The following PCDHAC2 variants were observed in gnomAD, a reference collection of about 807,000 sequenced individuals.
The protein encoded by PCDHAC2 is protocadherin alpha-C2.
In PCDHAC2, 24 loss-of-function variants were observed where a neutral mutation model predicts 63.3. The ratio of observed to expected loss-of-function variants is 0.38; its 90% confidence interval spans 0.27 to 0.53. PCDHAC2 has a LOEUF of 0.53. Ranked by LOEUF, PCDHAC2 falls within the 20% of genes least tolerant of loss-of-function variation. The pLI, the probability that PCDHAC2 is intolerant of heterozygous loss-of-function variation, is 0.81. For missense variants in PCDHAC2, 1,181 were observed against 1,275.2 expected, an observed-to-expected ratio of 0.93 and a Z score of 1.12; for synonymous variants, 569 against 529.4, an observed-to-expected ratio of 1.07 and a Z score of -1.03.
At chr5:140,998,112 T>A (rs1554256165) in intron 3 of PCDHAC2, among the ~76,000 whole-genome samples, 2 of 152,152 alleles carry the variant, frequency 1.3e-5, no homozygotes, top group Non-Finnish European at 2.9e-5. Context: ...AGGAGAAAAT[T>A]TACTTGTGAA....
intron 1 of PCDHAC2, among the ~76,000 whole-genome samples, chr5:140,978,370 A>T (rs78042832): frequency 6.6e-6 from 1 of 152,200 alleles, no homozygotes; most frequent in Non-Finnish European, 1.5e-5. Context: ...AAACTCTGCA[A>T]TAGTTTGTTT....
chr5:140,983,009 G>C (rs1272086703), intron 3 of PCDHAC2, among the ~76,000 whole-genome samples: 2 of 151,884 alleles, frequency 1.3e-5, no homozygotes, highest in Non-Finnish European at 2.9e-5. Flanking sequence ...AAAGAAAAAG[G>C]AAGGAAGGAA....
chr5:140,980,487 G>C (rs2096891705), intron 2 of PCDHAC2, among the ~76,000 whole-genome samples: 1 of 152,124 alleles, frequency 6.6e-6, no homozygotes, highest in African/African-American at 2.4e-5. Flanking sequence ...AAAATTAGCT[G>C]GGCGTGATGG....
chr5:140,976,897 T>C (rs2096736712), intron 1 of PCDHAC2, among the ~76,000 whole-genome samples: 1 of 152,220 alleles, frequency 6.6e-6, no homozygotes, highest in Admixed American at 6.5e-5. Flanking sequence ...CATGCAACAG[T>C]ATGTAATAAA....
chr5:140,968,562 C>T lies in PCDHAC2; in HGVS notation c.1796C>T (p.Pro599Leu), dbSNP rs1210264786. 4.3e-6 allele frequency: 7 copies of T among 1,614,090 alleles called. No homozygotes were observed. The highest frequency in any genetic ancestry group is 8.5e-7 in the Non-Finnish European group (1 of 1,180,048). ...TTCGAGATGGTGCCTCGAACTGCCC[C>T]TGCTGGCTACCTGGTCACCAAAGTC... is the stretch of plus-strand genomic sequence containing the variant. ...AAFEMVPRTAPAGYLVTKVIA... is the reference protein window; with the variant it reads ...AAFEMVPRTALAGYLVTKVIA... Residue 599 changes from proline to leucine, a missense_variant, in exon 1 of 4, where the codon CCT becomes CTT. Transcript: ENST00000289269.
chr5:140,968,416 G>A lies in PCDHAC2; in HGVS notation c.1650G>A (p.Glu550=). The A allele has an allele frequency of 1.2e-6, 2 of 1,613,992 alleles. No individual in the cohort carries two copies. Among genetic ancestry groups the A allele is most frequent in the Non-Finnish European group, 1.7e-6 (2 of 1,180,014 alleles). ...EKFREFFVTV[E]AQDKGSPPLS... Reference sequence around the variant, plus strand: ...TTCGGGAGTTCTTTGTGACTGTGGAGGCTCAGGACAAGGGGAGCCCACCAC... The same window carrying A: ...TTCGGGAGTTCTTTGTGACTGTGGAAGCTCAGGACAAGGGGAGCCCACCAC... Residue 550 remains glutamate (E), a synonymous_variant, in exon 1 of 4, where the codon GAG becomes GAA. Transcript: ENST00000289269.
In PCDHAC2 at chr5:140,967,673, C is replaced by T. The variant is rs1563368144; in HGVS notation, c.907C>T (p.Arg303Trp). Residue 303 changes from arginine to tryptophan, a missense_variant, in exon 1 of 4, where the codon CGG becomes TGG. By Grantham distance (101) the Arg-to-Trp change is moderately radical. Transcript: ENST00000289269. ...CTCCTTGAGCAGCTACACGTCGGAC[C>T]GGGAGAGGCAGCTCTTCAGCATAGA... ...RYSLSSYTSD[R>W]ERQLFSIDAS... The T allele has an allele frequency of 2.5e-6, 4 of 1,614,130 alleles. No homozygotes were observed. In the East Asian group the frequency reaches 6.7e-5, roughly 27 times the overall value.
intron 1 of PCDHAC2, among the ~76,000 whole-genome samples, chr5:140,971,248 A>G (rs552592175): frequency 6.6e-6 from 1 of 152,330 alleles, no homozygotes; most frequent in East Asian, 1.9e-4. Context: ...AATTTGATAC[A>G]TAAACTATTT....
At chr5:141,001,908 G>T (rs2098043431) in intron 3 of PCDHAC2, among the ~76,000 whole-genome samples, 1 of 152,198 alleles carries the variant, frequency 6.6e-6, no homozygotes, top group Non-Finnish European at 1.5e-5. Flanking sequence ...GTTTGAAAAA[G>T]ACTGCAGTGG....
intron 1 of PCDHAC2, chr5:140,969,617 A>G (rs2096348108): frequency 4.3e-6 from 3 of 705,552 alleles, no homozygotes; most frequent in Non-Finnish European, 6.8e-6. Context: ...ACAGATTTGT[A>G]GAGAAACAGG....
At position 140,966,707 on chromosome 5, in the gene PCDHAC2, A is replaced by T; in HGVS notation, c.-60A>T. The T allele has an allele frequency of 1.4e-6, 2 of 1,379,868 alleles. No individual in the cohort carries two copies. Among genetic ancestry groups the T allele is most frequent in the Non-Finnish European group, 9.3e-7 (1 of 1,072,552 alleles). 85.5% of individuals were successfully genotyped at this position (1,379,868 alleles called of 1,614,324 possible). On this transcript the variant is annotated 5_prime_UTR_variant, in exon 1 of 4. Transcript: ENST00000289269. ...CGGAGGCGGGGCCCGGGCGTGGGGC[A>T]CGGCTGGGGAAGCTGCCGCCTCCGG...
intron 3 of PCDHAC2, among the ~76,000 whole-genome samples, chr5:140,989,275 G>A (rs2097335515): frequency 6.6e-6 from 1 of 152,096 alleles, no homozygotes; most frequent in African/African-American, 2.4e-5. Context: ...TTTCTGCTGG[G>A]GACATCTCAG....
chr5:140,971,537 G>T (rs1414023721), intron 1 of PCDHAC2, among the ~76,000 whole-genome samples: 1 of 152,136 alleles, frequency 6.6e-6, no homozygotes, highest in Non-Finnish European at 1.5e-5. Flanking sequence ...AGTCATCATT[G>T]CCAGATCAAC....
At chr5:140,995,155 A>T (rs2097666869) in intron 3 of PCDHAC2, among the ~76,000 whole-genome samples, 2 of 152,194 alleles carry the variant, frequency 1.3e-5, no homozygotes, top group Non-Finnish European at 2.9e-5. Flanking sequence ...CTTTATATAC[A>T]TTATGTTCTT....
Position 141,011,434 on chromosome 5 carries a change from C to T in PCDHAC2, c.*1497C>T, listed in dbSNP as rs934032017. The T allele has an allele frequency of 6.5e-6, 1 of 153,726 alleles. No homozygotes were observed. Among genetic ancestry groups the T allele is most frequent in the Non-Finnish European group, 1.5e-5 (1 of 68,038 alleles). 9.5% of individuals were successfully genotyped at this position (153,726 alleles called of 1,614,324 possible). ...ATGTGAATGTTAATGCAACTATTAC[C>T]TAGAGTGAACTTTAAGCTTTATTGT... On this transcript the variant is annotated 3_prime_UTR_variant, in exon 4 of 4. Coordinates refer to ENST00000289269, the MANE Select transcript of PCDHAC2 (RefSeq NM_018899.6).
Position 140,968,083 on chromosome 5 carries a change from G to A in PCDHAC2, c.1317G>A (p.Val439=), listed in dbSNP as rs1298667830. The A allele has an allele frequency of 6.2e-7, 1 of 1,614,006 alleles. No homozygotes were observed. The highest frequency in any genetic ancestry group is 8.5e-7 in the Non-Finnish European group (1 of 1,180,038). Residue 439 remains valine (V), a synonymous_variant, in exon 1 of 4, where the codon GTG becomes GTA. Transcript: ENST00000289269. ...RERVAVYNIT[V]TATDGGIPQL... Reference sequence around the variant, plus strand: ...GGGTGGCTGTCTACAACATCACGGTGACAGCCACAGATGGGGGAATACCGC... The same window carrying A: ...GGGTGGCTGTCTACAACATCACGGTAACAGCCACAGATGGGGGAATACCGC...
At chr5:140,994,811 A>G (rs1283053490) in intron 3 of PCDHAC2, among the ~76,000 whole-genome samples, 1 of 152,194 alleles carries the variant, frequency 6.6e-6, no homozygotes, top group Non-Finnish European at 1.5e-5. Context: ...ACAAAATACA[A>G]AAAACTGAAT....
Position 140,968,024 on chromosome 5 carries a change from A to C in PCDHAC2, c.1258A>C (p.Thr420Pro). 1.2e-6 allele frequency: 2 copies of C among 1,614,178 alleles called. No individual in the cohort carries two copies. The highest frequency in any genetic ancestry group is 1.7e-6 in the Non-Finnish European group (2 of 1,180,026). Residue 420 changes from threonine (T) to proline (P), a missense_variant, in exon 1 of 4, where the codon ACA (threonine) becomes CCA (proline). Transcript: ENST00000289269. Reference sequence around the variant, plus strand: ...ACTGAATGGCTTTGGAAACTCCTATACACTGGTGGTGAGCGGCCCACTGGA... The same window carrying C: ...ACTGAATGGCTTTGGAAACTCCTATCCACTGGTGGTGAGCGGCCCACTGGA... ...FRLNGFGNSY[T>P]LVVSGPLDRE...
chr5:140,966,937 C>A lies in PCDHAC2; in HGVS notation c.171C>A (p.Leu57=). 1 of 1,604,032 alleles carries A rather than the reference C, an allele frequency of 6.2e-7. No homozygotes were observed. The change falls in exon 1 of 4, where the codon CTC becomes CTA. Residue 57 remains leucine (L), a synonymous_variant. Transcript: ENST00000289269. ...CAGAGGAGCAGGCACCCGGCGCGCT[C>A]GTGGGCAACGTGGCTCGCGCGCTGG... ...SVPEEQAPGA[L]VGNVARALGL... is the part of the protein sequence containing the mutation.
Sources: allele counts gnomAD v4.1 joint callset (sites outside exome capture counted in the v4.1 genomes callset), GRCh38; gene constraint gnomAD v4.1.1; transcripts MANE v1.5; gene names NCBI Gene and HGNC (gene_info 2026-07-23, HGNC 2026-07-21).